The following PACRG variants were observed in gnomAD, a reference collection of about 807,000 sequenced individuals.
PACRG encodes parkin coregulated.
PACRG carries 29 observed loss-of-function variants against 29.7 expected under a neutral mutation model. The ratio of observed to expected loss-of-function variants is 0.98; its 90% CI spans 0.73 to 1.33. The LOEUF is 1.33. PACRG is among the 40% of genes most tolerant of loss of function. The pLI is 0.00. For synonymous variants in PACRG, 116 were observed against 118.7 expected (o/e 0.98, Z 0.15); for missense variants, 279 against 316.2 (o/e 0.88, Z 0.89).
rs140697365 is a variant in PACRG, at chr6:163,090,689, C to T, written c.613+1281C>T. On this transcript the variant is annotated intron_variant, in intron 4 of 4. Transcript: ENST00000366888. The stretch of plus-strand genomic sequence containing the variant: ...TATCCATGAAGTTATGGGAGACTCC[C>T]GATGTGCACCTTTTTCAACTAAGGT... Among the ~76,000 whole-genome samples, 903 of 152,202 alleles carry T rather than the reference C, an allele frequency of 5.9e-3. 10 individuals carry two copies. Among genetic ancestry groups the T allele is most frequent in the African/African-American group, 0.02 (834 of 41,514 alleles).
At chr6:162,918,272 A>G (rs948999646) in intron 2 of PACRG, among the ~76,000 whole-genome samples, 2 of 152,220 alleles carry the variant, frequency 1.3e-5, no homozygotes, top group African/African-American at 4.8e-5. Flanking sequence ...ATTACAGCAT[A>G]ACGCCTCTGG....
At chr6:163,287,520 C>G (rs1002870359) in intron 4 of PACRG, among the ~76,000 whole-genome samples, 1 of 152,228 alleles carries the variant, frequency 6.6e-6, no homozygotes, top group African/African-American at 2.4e-5. Context: ...TGGGTCACAC[C>G]TGAGCCAGCT....
At chr6:163,068,699 TTCTATTTC>T (rs1474113827) in intron 3 of PACRG, among the ~76,000 whole-genome samples, 1 of 152,180 alleles carries the variant, frequency 6.6e-6, no homozygotes, top group Non-Finnish European at 1.5e-5. Flanking sequence ...TGTCGCTTAG[TTCTATTTC>T]CTGAGAAATG....
intron 2 of PACRG, among the ~76,000 whole-genome samples, chr6:162,932,599 G>A (rs976605218): frequency 6.6e-6 from 1 of 151,618 alleles, no homozygotes; most frequent in African/African-American, 2.4e-5. Context: ...ATTTCTTCAT[G>A]GTTTAATCTT....
chr6:162,922,779 C>T (rs1797159215), intron 2 of PACRG, among the ~76,000 whole-genome samples: 1 of 152,108 alleles, frequency 6.6e-6, no homozygotes, highest in Non-Finnish European at 1.5e-5. Context: ...TAGTATCCAG[C>T]TGTGTATGTA....
At chr6:162,817,144 C>A (rs977116482) in intron 2 of PACRG, among the ~76,000 whole-genome samples, 9 of 152,184 alleles carry the variant, frequency 5.9e-5, no homozygotes, top group Non-Finnish European at 1.2e-4. Context: ...TGGCTGTAAA[C>A]CCCGGCACAG....
intron 4 of PACRG, among the ~76,000 whole-genome samples, chr6:163,144,671 A>C (rs1300705520): frequency 6.6e-6 from 1 of 152,176 alleles, no homozygotes; most frequent in African/African-American, 2.4e-5. Flanking sequence ...CAGGAGGCTG[A>C]GGCATGAGAA....
At chr6:163,187,956 G>T (rs545606467) in intron 4 of PACRG, 1 of 152,254 alleles carries the variant, frequency 6.6e-6, no homozygotes, top group East Asian at 1.9e-4. Context: ...CAAATAAATT[G>T]TCCACTCTTC....
chr6:163,048,322 CGTTTTTATTTTTTA>C (rs1335087166), intron 2 of PACRG, among the ~76,000 whole-genome samples: 1 of 152,096 alleles, frequency 6.6e-6, no homozygotes, highest in Non-Finnish European at 1.5e-5. Context: ...TTCTGCTAAG[CGTTTTTATTTTTTA>C]GTGAAGAAAT....
chr6:162,963,553 C>T (rs1457879635), intron 2 of PACRG, among the ~76,000 whole-genome samples: 2 of 150,066 alleles, frequency 1.3e-5, no homozygotes, highest in African/African-American at 4.8e-5. Flanking sequence ...TTTATTTACA[C>T]ATTATTGTGT....
chr6:163,193,564 G>T (rs967387791), intron 4 of PACRG, among the ~76,000 whole-genome samples: 15 of 152,146 alleles, frequency 9.9e-5, no homozygotes, highest in African/African-American at 3.6e-4. Flanking sequence ...GAACAGGGCG[G>T]CATGGTGGCC....
At chr6:162,947,449 A>C (rs1370491867) in intron 2 of PACRG, among the ~76,000 whole-genome samples, 2 of 30,696 alleles carry the variant, frequency 6.5e-5, no homozygotes, top group Admixed American at 4.2e-4. Flanking sequence ...AATATATATA[A>C]TCATATATAT....
chr6:163,148,772 A>C (rs1275540534), intron 4 of PACRG, among the ~76,000 whole-genome samples: 1 of 152,030 alleles, frequency 6.6e-6, no homozygotes, highest in Non-Finnish European at 1.5e-5. Context: ...ACAGACCCTA[A>C]GCAGCTCCCA....
intron 2 of PACRG, among the ~76,000 whole-genome samples, chr6:162,965,367 A>G (rs1028060205): frequency 3.9e-5 from 6 of 152,230 alleles, no homozygotes; most frequent in African/African-American, 1.4e-4. Context: ...TATAAGCAAT[A>G]GAAATTTATT....
intron 2 of PACRG, among the ~76,000 whole-genome samples, chr6:162,954,444 T>A (rs1799872206): frequency 6.6e-6 from 1 of 152,142 alleles, no homozygotes; most frequent in Non-Finnish European, 1.5e-5. Context: ...AGTTGCTTTT[T>A]TTTTTTTAAT....
At chr6:163,061,575 T>C (rs1811099374) in intron 2 of PACRG, among the ~76,000 whole-genome samples, 1 of 152,092 alleles carries the variant, frequency 6.6e-6, no homozygotes. Context: ...CCACTCTTTG[T>C]CCTCTCCATT....
intron 2 of PACRG, among the ~76,000 whole-genome samples, chr6:162,860,804 A>C (rs978116659): frequency 6.6e-6 from 1 of 152,192 alleles, no homozygotes; most frequent in Admixed American, 6.5e-5. Context: ...AGAGTGGATA[A>C]TTATTCTCTC....
In PACRG at chr6:163,241,304, C is replaced by A. The variant is rs75926113; in HGVS notation, c.614-73523C>A. Among the ~76,000 whole-genome samples, 54 of 152,304 alleles carry A rather than the reference C, an allele frequency of 3.5e-4. No homozygotes were observed. In the East Asian group the frequency reaches 8.9e-3, roughly 25 times the overall value. The stretch of plus-strand genomic sequence containing the variant: ...ACTTAACATATTTTCAACAAAATCT[C>A]ATTTTTTTCTCCTCAAGTCTTTATT... On this transcript the variant is annotated intron_variant, in intron 4 of 4. Transcript: ENST00000366888.
At chr6:162,972,873 A>G (rs1801646434) in intron 2 of PACRG, among the ~76,000 whole-genome samples, 1 of 151,978 alleles carries the variant, frequency 6.6e-6, no homozygotes, top group Non-Finnish European at 1.5e-5. Context: ...TAAAAAAATG[A>G]TATCTTCTAT....
Sources: allele counts gnomAD v4.1 joint callset (sites outside exome capture counted in the v4.1 genomes callset), GRCh38; gene constraint gnomAD v4.1.1; transcripts MANE v1.5; gene names NCBI Gene and HGNC (gene_info 2026-07-23, HGNC 2026-07-21).